Variants in AGBL1 observed in about 807,000 individuals in gnomAD.
AGBL1 encodes AGBL carboxypeptidase 1.
AGBL1 carries 130 observed loss-of-function variants against 118.9 expected under a neutral mutation model. That is an observed-to-expected ratio of 1.09 (90% confidence interval 0.95 to 1.26). The LOEUF is 1.26. Ranked by LOEUF, AGBL1 falls within the 50% of genes most tolerant of loss-of-function variation. The pLI is 0.00. For missense variants in AGBL1, 1,584 were observed against 1,298.1 expected (o/e 1.22, Z -3.38); for synonymous variants, 555 against 478.9 (o/e 1.16, Z -2.08).
chr15:86,402,601 CAA>C (rs2081465255), intron 18 of AGBL1, among the ~76,000 whole-genome samples: 1 of 152,074 alleles, frequency 6.6e-6, no homozygotes, highest in Non-Finnish European at 1.5e-5. Flanking sequence ...ATTAGAGAAC[CAA>C]AACCTGAACT....
intron 22 of AGBL1, among the ~76,000 whole-genome samples, chr15:86,755,651 T>C (rs942698766): frequency 4.6e-5 from 7 of 152,148 alleles, no homozygotes; most frequent in South Asian, 4.1e-4. Flanking sequence ...CTTTTGTGAA[T>C]GTGTTGAGTT....
intron 17 of AGBL1, among the ~76,000 whole-genome samples, chr15:86,359,187 G>T (rs771903966): frequency 1.2e-4 from 18 of 151,678 alleles, no homozygotes; most frequent in Non-Finnish European, 2.5e-4. Flanking sequence ...GTTTTGAGTT[G>T]ATTTTTATGT....
At chr15:86,882,052 G>A (rs2079900441) in intron 22 of AGBL1, among the ~76,000 whole-genome samples, 1 of 152,158 alleles carries the variant, frequency 6.6e-6, no homozygotes, top group East Asian at 1.9e-4. Context: ...TCAGTAAGAA[G>A]ATCTACTTGC....
intron 17 of AGBL1, among the ~76,000 whole-genome samples, chr15:86,310,731 A>G (rs28687013): frequency 0.019 from 2,913 of 152,332 alleles, 101 homozygotes; most frequent in African/African-American, 0.067. Flanking sequence ...CTGGGGCCAC[A>G]GAAGCTGGCC....
chr15:86,091,456 G>A (rs1163682557), intron 1 of AGBL1, among the ~76,000 whole-genome samples: 1 of 152,200 alleles, frequency 6.6e-6, no homozygotes, highest in Non-Finnish European at 1.5e-5. Flanking sequence ...AGAACACTCA[G>A]CAGCTGTAAC....
chr15:86,374,773 C>G (rs898098430), intron 17 of AGBL1, among the ~76,000 whole-genome samples: 1 of 152,212 alleles, frequency 6.6e-6, no homozygotes, highest in African/African-American at 2.4e-5. Context: ...GAATGTGGCA[C>G]ACAGGAGCCA....
At chr15:86,485,238 A>T (rs1020807198) in intron 18 of AGBL1, among the ~76,000 whole-genome samples, 1 of 152,162 alleles carries the variant, frequency 6.6e-6, no homozygotes, top group African/African-American at 2.4e-5. Flanking sequence ...AACCTGTGAA[A>T]TTCAAATCTG....
At chr15:86,162,313 G>A (rs910590132) in intron 5 of AGBL1, among the ~76,000 whole-genome samples, 10 of 152,294 alleles carry the variant, frequency 6.6e-5, no homozygotes, top group African/African-American at 2.4e-4. Flanking sequence ...CAGATGCCCA[G>A]TGTTGTGTCA....
intron 23 of AGBL1, among the ~76,000 whole-genome samples, chr15:86,983,578 G>A (rs568535629): frequency 6.6e-6 from 1 of 152,076 alleles, no homozygotes; most frequent in Non-Finnish European, 1.5e-5. Flanking sequence ...TGCAATAAAT[G>A]CATACATTTT....
intron 22 of AGBL1, among the ~76,000 whole-genome samples, chr15:86,729,505 G>C (rs2077500545): frequency 6.6e-6 from 1 of 152,168 alleles, no homozygotes; most frequent in African/African-American, 2.4e-5. Context: ...TTTAGCTCCT[G>C]CTTATGAGGG....
chr15:86,224,252 A>G (rs1003432576), intron 5 of AGBL1, among the ~76,000 whole-genome samples: 2 of 152,162 alleles, frequency 1.3e-5, no homozygotes, highest in East Asian at 1.9e-4. Context: ...ACCTTCTCAG[A>G]AGCAGGAAAC....
intron 21 of AGBL1, among the ~76,000 whole-genome samples, chr15:86,617,821 T>C (rs2084752615): frequency 6.6e-6 from 1 of 151,156 alleles, no homozygotes; most frequent in South Asian, 2.1e-4. Context: ...GAGAAAGAGA[T>C]TTTTTCTTAA....
rs1567169083 is a variant in AGBL1, at chr15:86,269,928, T to C, written c.1848T>C (p.Tyr616=). 6.2e-7 allele frequency: 1 copy of C among 1,613,824 alleles called. No homozygotes were observed. The highest frequency in any genetic ancestry group is 8.5e-7 in the Non-Finnish European group (1 of 1,179,792). The change falls in exon 14 of 23, where the codon TAT becomes TAC. Residue 616 remains tyrosine (Y), a synonymous_variant. Coordinates refer to ENST00000614907, the MANE Select transcript of AGBL1 (RefSeq NM_001386094.1). The part of the protein sequence containing the change: ...RKAIQVREFE[Y]DLLVNADVNS... ...TGCTTCTGATCTGCAGGTTCGAGTA[T>C]GACTTGCTGGTCAACGCAGATGTGA...
At chr15:86,234,768 A>G (rs1437247901) in intron 6 of AGBL1, among the ~76,000 whole-genome samples, 2 of 152,192 alleles carry the variant, frequency 1.3e-5, no homozygotes, top group African/African-American at 2.4e-5. Flanking sequence ...GATGTTTAAA[A>G]GAGTGGGAGT....
At chr15:86,328,169 A>T (rs1307805696) in intron 17 of AGBL1, among the ~76,000 whole-genome samples, 1 of 152,186 alleles carries the variant, frequency 6.6e-6, no homozygotes, top group Admixed American at 6.5e-5. Context: ...CCCAACTATA[A>T]AACTTCCAGC....
chr15:86,216,217 C>G (rs1041555932), intron 5 of AGBL1, among the ~76,000 whole-genome samples: 2 of 148,768 alleles, frequency 1.3e-5, no homozygotes, highest in Non-Finnish European at 3.0e-5. Flanking sequence ...TCTTATTTTC[C>G]AAACTACATG....
At chr15:86,522,484 T>C (rs1164108590) in intron 18 of AGBL1, among the ~76,000 whole-genome samples, 1 of 152,242 alleles carries the variant, frequency 6.6e-6, no homozygotes, top group Non-Finnish European at 1.5e-5. Context: ...GAAGAACGCA[T>C]AGCCTAGAGA....
intron 18 of AGBL1, among the ~76,000 whole-genome samples, chr15:86,493,095 G>A (rs2142145633): frequency 6.6e-6 from 1 of 152,268 alleles, no homozygotes; most frequent in Middle Eastern, 3.4e-3. Context: ...TCAGGAGGCT[G>A]AGGCAGGAGA....
At chr15:87,017,271 T>C (rs2081616323) in intron 24 of AGBL1, among the ~76,000 whole-genome samples, 1 of 152,010 alleles carries the variant, frequency 6.6e-6, no homozygotes, top group Non-Finnish European at 1.5e-5. Context: ...ACAATTCTGC[T>C]ACCAAAAAAA....
Sources: allele counts gnomAD v4.1 joint callset (sites outside exome capture counted in the v4.1 genomes callset), GRCh38; gene constraint gnomAD v4.1.1; transcripts MANE v1.5; gene names NCBI Gene and HGNC (gene_info 2026-07-23, HGNC 2026-07-21).